ARB2A: variants seen among roughly 807,000 people sequenced by gnomAD.
ARB2A encodes the protein ARB2 cotranscriptional regulator A.
chr5:93,776,213 G>C, the ARB2A span: 27 of 1,611,722 alleles, frequency 1.7e-5, no homozygotes, highest in Non-Finnish European at 2.2e-5. Flanking sequence ...GTGTCTAATG[G>C]TTCTGAGCTA....
the ARB2A span, among the ~76,000 whole-genome samples, chr5:93,745,679 A>AT: frequency 2.0e-5 from 3 of 152,010 alleles, no homozygotes; most frequent in Non-Finnish European, 2.9e-5. Context: ...CCAAAAAAAA[A>AT]TTTTTTTTCT....
At chr5:93,969,018 CTT>C in the ARB2A span, among the ~76,000 whole-genome samples, 28 of 113,188 alleles carry the variant, frequency 2.5e-4, no homozygotes, top group Non-Finnish European at 3.3e-4. Context: ...GAATTTTTTT[CTT>C]TTTTTTTTTT....
At chr5:93,630,913 A>G in the ARB2A span, among the ~76,000 whole-genome samples, 3 of 152,106 alleles carry the variant, frequency 2.0e-5, no homozygotes, top group African/African-American at 7.2e-5. Context: ...CCTTTAAGAC[A>G]GGGTCGTCTT....
the ARB2A span, among the ~76,000 whole-genome samples, chr5:94,057,065 A>C: frequency 6.6e-6 from 1 of 152,178 alleles, no homozygotes; most frequent in South Asian, 2.1e-4. Context: ...CTTCAGATTT[A>C]GACTGGAACT....
At chr5:94,080,675 T>C in the ARB2A span, among the ~76,000 whole-genome samples, 5 of 152,114 alleles carry the variant, frequency 3.3e-5, no homozygotes, top group Admixed American at 3.3e-4. Context: ...CAAGTGGTAA[T>C]ATGAAGGCCC....
chr5:93,729,586 T>C, the ARB2A span, among the ~76,000 whole-genome samples: 41 of 152,230 alleles, frequency 2.7e-4, no homozygotes, highest in African/African-American at 9.6e-4. Context: ...AATAATATAC[T>C]TAAAATATGT....
At chr5:93,964,436 A>G in the ARB2A span, 202 of 1,472,656 alleles carry the variant, frequency 1.4e-4, no homozygotes, top group South Asian at 1.2e-3. Context: ...TGAAATAAAC[A>G]TTTCTTTAAA....
the ARB2A span, among the ~76,000 whole-genome samples, chr5:93,823,478 A>C: frequency 6.6e-6 from 1 of 152,188 alleles, no homozygotes; most frequent in Non-Finnish European, 1.5e-5. Context: ...TATCAAGTAC[A>C]AGTCAGTTAA....
the ARB2A span, among the ~76,000 whole-genome samples, chr5:93,872,840 C>A: frequency 6.6e-6 from 1 of 151,938 alleles, no homozygotes; most frequent in South Asian, 2.1e-4. Flanking sequence ...TGGCGTGAAC[C>A]CGGGAGGCAG....
chr5:93,757,901 C>T, the ARB2A span, among the ~76,000 whole-genome samples: 2 of 152,116 alleles, frequency 1.3e-5, no homozygotes, highest in South Asian at 2.1e-4. Context: ...CATTTCAATA[C>T]TAACATTGAA....
At chr5:93,637,521 G>C in the ARB2A span, among the ~76,000 whole-genome samples, 4 of 152,044 alleles carry the variant, frequency 2.6e-5, no homozygotes, top group Non-Finnish European at 4.4e-5. Flanking sequence ...TTAGTTGCAT[G>C]TTTAGTTCAT....
the ARB2A span, among the ~76,000 whole-genome samples, chr5:94,103,588 C>T: frequency 6.6e-6 from 1 of 151,968 alleles, no homozygotes; most frequent in Non-Finnish European, 1.5e-5. Context: ...CACCTTGACA[C>T]CCACTGACAG....
the ARB2A span, among the ~76,000 whole-genome samples, chr5:93,834,964 A>G: frequency 6.6e-6 from 1 of 152,232 alleles, no homozygotes; most frequent in East Asian, 1.9e-4. Context: ...ATTAGAGTGC[A>G]TTTTGTATTG....
At chr5:94,094,637 C>T in the ARB2A span, among the ~76,000 whole-genome samples, 1 of 152,162 alleles carries the variant, frequency 6.6e-6, no homozygotes, top group East Asian at 1.9e-4. Flanking sequence ...ATGTTTATCC[C>T]TGCTTTCAAA....
At chr5:93,760,598 AAT>A in the ARB2A span, among the ~76,000 whole-genome samples, 1 of 152,200 alleles carries the variant, frequency 6.6e-6, no homozygotes, top group South Asian at 2.1e-4. Flanking sequence ...AATAAATTCA[AAT>A]ACTTACAGCC....
chr5:93,925,709 A>G, the ARB2A span, among the ~76,000 whole-genome samples: 3 of 152,130 alleles, frequency 2.0e-5, no homozygotes, highest in African/African-American at 7.2e-5. Flanking sequence ...TAAGGGGAGG[A>G]CTACTTATCC....
the ARB2A span, among the ~76,000 whole-genome samples, chr5:93,830,821 T>C: frequency 6.6e-6 from 1 of 152,142 alleles, no homozygotes; most frequent in Non-Finnish European, 1.5e-5. Context: ...TTACGTTTAT[T>C]GTGCACTTTA....
chr5:93,992,579 G>A, the ARB2A span, among the ~76,000 whole-genome samples: 2 of 151,928 alleles, frequency 1.3e-5, no homozygotes, highest in Non-Finnish European at 2.9e-5. Flanking sequence ...TCTACAGAAG[G>A]ATGTAATATA....
the ARB2A span, among the ~76,000 whole-genome samples, chr5:94,034,844 C>A: frequency 6.6e-6 from 1 of 152,188 alleles, no homozygotes; most frequent in African/African-American, 2.4e-5. Flanking sequence ...GGTGAGGGAG[C>A]ATTACTGCCT....
Sources: gnomAD v4.1 joint callset for allele counts (sites outside exome capture counted in the v4.1 genomes callset) on GRCh38, gnomAD v4.1.1 for gene constraint, MANE v1.5 for transcripts, NCBI Gene and HGNC (gene_info 2026-07-23, HGNC 2026-07-21) for gene names.